Variants in ASH1L observed in about 807,000 individuals in gnomAD.
ASH1L encodes the protein histone-lysine N-methyltransferase ASH1L.
Under a neutral mutation model 269.0 loss-of-function variants are expected in ASH1L, and 23 were observed. The observed-to-expected ratio is 0.09, with a 90% CI of 0.06 to 0.12. The LOEUF is 0.12. ASH1L is among the 10% of genes least tolerant of loss of function. The pLI is 1.00. For synonymous variants in ASH1L, 1,187 were observed against 1,253.5 expected, an observed-to-expected ratio of 0.95 and a Z score of 1.12; for missense variants, 2,912 against 3,567.8, an observed-to-expected ratio of 0.82 and a Z score of 4.68.
chr1:155,517,793 C>CTTTT lies in ASH1L; in HGVS notation c.420+3303_420+3306dup, dbSNP rs780065449. On this transcript the variant is annotated intron_variant, in intron 2 of 27. Coordinates refer to ENST00000392403, the MANE Select transcript of ASH1L (RefSeq NM_018489.3). ...CTCTCACATATATGGCCAATAATTT[C>CTTTT]TTTTTTTTTTTTTTTTTTTTTTTTT... Among the ~76,000 whole-genome samples the CTTTT allele has an allele frequency of 4.8e-3, 344 of 70,956 alleles. 12 individuals are homozygous for CTTTT. The highest frequency in any genetic ancestry group is 0.013 in the East Asian group (24 of 1,792). The allele number at this position is 70,956 out of a possible 152,430, so 46.5% of individuals were successfully genotyped here.
intron 3 of ASH1L, among the ~76,000 whole-genome samples, chr1:155,461,425 T>C (rs1664293691): frequency 6.6e-6 from 1 of 152,146 alleles, no homozygotes. Flanking sequence ...ACATCCTACT[T>C]CTGAAACACA....
chr1:155,532,188 A>G (rs939684651), intron 1 of ASH1L, among the ~76,000 whole-genome samples: 2 of 152,184 alleles, frequency 1.3e-5, no homozygotes, highest in Non-Finnish European at 2.9e-5. Flanking sequence ...CTCTGGAACA[A>G]TGTGGGACAG....
Position 155,543,509 on chromosome 1 carries a change from CA to C in ASH1L, c.-100+18643del, listed in dbSNP as rs34813767. On this transcript the variant is annotated intron_variant, in intron 1 of 27. Coordinates refer to ENST00000392403, the MANE Select transcript of ASH1L (RefSeq NM_018489.3). ...TGCATCACAGAGTGAGACTCTGTCTCAAAAAAAAAAAAAAAAAAAAAAGATT... is the reference window on the plus strand; with the variant it reads ...TGCATCACAGAGTGAGACTCTGTCTCAAAAAAAAAAAAAAAAAAAAAGATT... 9.8e-3 allele frequency among the ~76,000 whole-genome samples: 565 copies of C among 57,436 alleles called. 1 individual carries two copies. The highest frequency in any genetic ancestry group is 0.03 in the African/African-American group (420 of 13,900). The allele number at this position is 57,436 out of a possible 152,430, so 37.7% of individuals were successfully genotyped here. A position where few individuals can be genotyped will look rare whatever the true frequency, so the allele number is the denominator to read the frequency against.
At chr1:155,342,140 C>T in intron 24 of ASH1L, 38 bp from the exon 25 acceptor site, 1 of 1,603,830 alleles carries the variant, frequency 6.2e-7, no homozygotes, top group Non-Finnish European at 8.5e-7. Flanking sequence ...CCTATTTAGC[C>T]ATTTCTCCCC....
At chr1:155,437,226 G>A (rs1484826156) in intron 5 of ASH1L, among the ~76,000 whole-genome samples, 1 of 152,120 alleles carries the variant, frequency 6.6e-6, no homozygotes, top group East Asian at 1.9e-4. Flanking sequence ...ATAATATCCA[G>A]AATATATTGA....
Position 155,378,406 on chromosome 1 carries a change from A to C in ASH1L, c.6224-17T>G. On this transcript the variant is annotated splice_polypyrimidine_tract_variant and intron_variant, in intron 9 of 27. Coordinates refer to ENST00000392403, the MANE Select transcript of ASH1L (RefSeq NM_018489.3). ...CGTAGACATCTTGAAAAGAAAGCAA[A>C]GAATAGTTTGTGAACATACAGGATA... 2 of 1,612,606 alleles carry C rather than the reference A, an allele frequency of 1.2e-6. No homozygotes were observed. The highest frequency in any genetic ancestry group is 1.7e-6 in the Non-Finnish European group (2 of 1,178,560).
At position 155,454,253 on chromosome 1, in the gene ASH1L, T is replaced by C. The variant is rs1047259659; in HGVS notation, c.5086+5544A>G. ...AGAAAGCCATGGGTTGAATGGTTTATGTAACTTCCACAAGGTTACATGATA... is the reference window on the plus strand; with the variant it reads ...AGAAAGCCATGGGTTGAATGGTTTACGTAACTTCCACAAGGTTACATGATA... On this transcript the variant is annotated intron_variant, in intron 4 of 27. Transcript: ENST00000392403. 3.9e-4 allele frequency among the ~76,000 whole-genome samples: 60 copies of C among 152,252 alleles called. 1 individual carries two copies. Among genetic ancestry groups the C allele is most frequent in the Admixed American group, 3.7e-3 (56 of 15,286 alleles).
Position 155,337,456 on chromosome 1 carries a change from T to C in ASH1L, c.*204A>G. On this transcript the variant is annotated 3_prime_UTR_variant, in exon 28 of 28. Coordinates refer to ENST00000392403, the MANE Select transcript of ASH1L (RefSeq NM_018489.3). The stretch of plus-strand genomic sequence containing the variant: ...GTGAAGCAATGGAGAAGAAAATTAA[T>C]TAACCTGAACTGTCTTGGACAGAAC... 1 of 492,980 alleles carries C rather than the reference T, an allele frequency of 2.0e-6. No individual in the cohort carries two copies. The highest frequency in any genetic ancestry group is 2.3e-5 in the South Asian group (1 of 43,360). 30.5% of individuals were successfully genotyped at this position (492,980 alleles called of 1,614,324 possible).
chr1:155,547,111 C>T (rs1670883135), intron 1 of ASH1L, among the ~76,000 whole-genome samples: 1 of 151,256 alleles, frequency 6.6e-6, no homozygotes, highest in South Asian at 2.1e-4. Flanking sequence ...TGCTACCATG[C>T]CCAGCTAATT....
At chr1:155,388,895 G>C (rs983081274) in intron 7 of ASH1L, among the ~76,000 whole-genome samples, 6 of 150,192 alleles carry the variant, frequency 4.0e-5, no homozygotes, top group African/African-American at 1.2e-4. Flanking sequence ...GCTTTATAGA[G>C]AGAGGTTCTC....
At chr1:155,497,120 A>C (rs935852816) in intron 2 of ASH1L, among the ~76,000 whole-genome samples, 1 of 152,156 alleles carries the variant, frequency 6.6e-6, no homozygotes, top group Admixed American at 6.6e-5. Flanking sequence ...CAAACCTTAC[A>C]AGTAACTTAT....
chr1:155,433,556 A>C (rs781415425), intron 5 of ASH1L: 2 of 1,610,282 alleles, frequency 1.2e-6, no homozygotes, highest in Middle Eastern at 1.7e-4. Flanking sequence ...GAAACTGGAG[A>C]AGGAGAAGCT....
intron 1 of ASH1L, among the ~76,000 whole-genome samples, chr1:155,534,209 A>G (rs1046448108): frequency 6.6e-6 from 1 of 151,240 alleles, no homozygotes; most frequent in Non-Finnish European, 1.5e-5. Flanking sequence ...GAATTCACAA[A>G]GAAGGTATTA....
At chr1:155,533,402 T>C (rs1558200475) in intron 1 of ASH1L, among the ~76,000 whole-genome samples, 1 of 152,072 alleles carries the variant, frequency 6.6e-6, no homozygotes, top group South Asian at 2.1e-4. Context: ...TTAACCACTA[T>C]GCTTTGCTGC....
chr1:155,513,615 C>T (rs956621715), intron 2 of ASH1L, among the ~76,000 whole-genome samples: 1 of 150,380 alleles, frequency 6.6e-6, no homozygotes, highest in Non-Finnish European at 1.5e-5. Context: ...GCCTGGGTGA[C>T]ACAGCGACAC....
At chr1:155,527,323 G>T (rs971188633) in intron 1 of ASH1L, among the ~76,000 whole-genome samples, 1 of 151,770 alleles carries the variant, frequency 6.6e-6, no homozygotes, top group African/African-American at 2.4e-5. Flanking sequence ...TATTCTCCCT[G>T]ACCTCCAATC....
At chr1:155,392,444 T>TA (rs1436557973) in intron 7 of ASH1L, among the ~76,000 whole-genome samples, 5 of 152,164 alleles carry the variant, frequency 3.3e-5, no homozygotes, top group Non-Finnish European at 1.5e-5. Context: ...TCCAGTGACT[T>TA]AGGATTACTA....
intron 22 of ASH1L, 152 bp downstream of exon 22, chr1:155,344,031 G>A: frequency 1.5e-6 from 1 of 679,972 alleles, no homozygotes; most frequent in Non-Finnish European, 2.4e-6. Context: ...GAGAGGTGAT[G>A]CATGTAAGCA....
chr1:155,347,585 T>C (rs1653468609), intron 20 of ASH1L, 71 bp downstream of exon 20: 4 of 1,588,296 alleles, frequency 2.5e-6, no homozygotes, highest in East Asian at 2.2e-5. Context: ...AAAAGAGGCA[T>C]GGGCTTCTTC....
Sources: gnomAD v4.1 joint callset for allele counts (sites outside exome capture counted in the v4.1 genomes callset) on GRCh38, gnomAD v4.1.1 for gene constraint, MANE v1.5 for transcripts, NCBI Gene and HGNC (gene_info 2026-07-23, HGNC 2026-07-21) for gene names.